Variants in CTNNA3 observed in about 807,000 individuals in gnomAD.
The protein encoded by CTNNA3 is catenin alpha-3.
A neutral mutation model predicts 95.7 loss-of-function variants in CTNNA3; 76 were observed. The observed-to-expected ratio is 0.79, with a 90% confidence interval of 0.66 to 0.96. The LOEUF is 0.96. CTNNA3 is among the 40% of genes least tolerant of loss of function. The pLI is 0.00. For missense variants in CTNNA3, 1,191 were observed against 1,089.8 expected (o/e 1.09, Z -1.31); for synonymous variants, 431 against 374.4 (o/e 1.15, Z -1.74).
chr10:67,107,972 A>T (rs1380796339), intron 7 of CTNNA3, among the ~76,000 whole-genome samples: 1 of 152,000 alleles, frequency 6.6e-6, no homozygotes, highest in Non-Finnish European at 1.5e-5. Flanking sequence ...ACCCAATAAA[A>T]CCCTGTCTTA....
At chr10:67,273,598 T>C (rs1839069061) in intron 5 of CTNNA3, among the ~76,000 whole-genome samples, 1 of 152,186 alleles carries the variant, frequency 6.6e-6, no homozygotes, top group East Asian at 1.9e-4. Context: ...GAAATAAAAG[T>C]ATGTTCCACA....
chr10:66,300,599 G>T (rs2091847278), intron 12 of CTNNA3, among the ~76,000 whole-genome samples: 1 of 151,294 alleles, frequency 6.6e-6, no homozygotes, highest in African/African-American at 2.4e-5. Flanking sequence ...CATCTGTGTG[G>T]TATTCTTCCC....
rs749798562 is a variant in CTNNA3, at chr10:66,072,634, G to T, written c.1978-3145C>A. On this transcript the variant is annotated intron_variant, in intron 14 of 17. Coordinates refer to ENST00000433211, the MANE Select transcript of CTNNA3 (RefSeq NM_013266.4). Reference sequence around the variant, plus strand: ...TAATTTTTGTATATTTAGTAGAGACGGGGTTTCACCATTTTGGACAGGCTG... The same window carrying T: ...TAATTTTTGTATATTTAGTAGAGACTGGGTTTCACCATTTTGGACAGGCTG... Among the ~76,000 whole-genome samples, 3 of 151,772 alleles carry T rather than the reference G, an allele frequency of 2.0e-5. No homozygotes were observed. In the South Asian group the frequency reaches 6.2e-4, roughly 32 times the overall value.
chr10:66,588,159 C>T (rs1228867158), intron 10 of CTNNA3, among the ~76,000 whole-genome samples: 2 of 152,034 alleles, frequency 1.3e-5, no homozygotes. Context: ...TAAATCAGCT[C>T]CAGCACTGGG....
At chr10:67,143,671 C>T (rs536733076) in intron 7 of CTNNA3, among the ~76,000 whole-genome samples, 6 of 152,270 alleles carry the variant, frequency 3.9e-5, no homozygotes, top group Non-Finnish European at 8.8e-5. Context: ...TTCTAATCCA[C>T]GATAACTACG....
intron 6 of CTNNA3, among the ~76,000 whole-genome samples, chr10:67,214,318 A>C (rs10430512): frequency 0.27 from 41,323 of 151,454 alleles, 8,172 homozygotes; most frequent in African/African-American, 0.56. Flanking sequence ...AGTAGTTACT[A>C]TAGACATTTT....
intron 3 of CTNNA3, among the ~76,000 whole-genome samples, chr10:67,554,344 C>G (rs1379251826): frequency 6.6e-6 from 1 of 152,190 alleles, no homozygotes; most frequent in Non-Finnish European, 1.5e-5. Flanking sequence ...CACTGTCTTC[C>G]ACAATGGTTG....
intron 14 of CTNNA3, among the ~76,000 whole-genome samples, chr10:66,088,617 A>G (rs1180668459): frequency 6.6e-6 from 1 of 151,414 alleles, no homozygotes; most frequent in African/African-American, 2.4e-5. Flanking sequence ...CACTTTTATA[A>G]AGGTTTTCAA....
chr10:66,564,816 G>C (rs550488404), intron 10 of CTNNA3, among the ~76,000 whole-genome samples: 2 of 152,124 alleles, frequency 1.3e-5, no homozygotes, highest in African/African-American at 2.4e-5. Context: ...ATTATTCGAC[G>C]TTTACAATAA....
intron 13 of CTNNA3, among the ~76,000 whole-genome samples, chr10:66,136,465 T>C (rs902218130): frequency 6.6e-6 from 1 of 151,482 alleles, no homozygotes; most frequent in African/African-American, 2.4e-5. Context: ...AATTGGATAA[T>C]AGTTTTCAAA....
At chr10:66,125,206 CT>C (rs533382342) in intron 13 of CTNNA3, among the ~76,000 whole-genome samples, 246 of 152,116 alleles carry the variant, frequency 1.6e-3, no homozygotes, top group Middle Eastern at 3.4e-3. Context: ...AAAATTAAAT[CT>C]TTTTTTCTTA....
chr10:66,972,599 T>C (rs1347640422), intron 7 of CTNNA3, among the ~76,000 whole-genome samples: 1 of 151,982 alleles, frequency 6.6e-6, no homozygotes, highest in East Asian at 1.9e-4. Flanking sequence ...TTGATAAAAA[T>C]TTATTTCATA....
intron 17 of CTNNA3, among the ~76,000 whole-genome samples, chr10:65,931,257 C>T (rs775484541): frequency 5.9e-5 from 9 of 152,186 alleles, no homozygotes; most frequent in Non-Finnish European, 8.8e-5. Flanking sequence ...TTTCAGGGCT[C>T]TTGTGTGCTT....
In CTNNA3 at chr10:65,913,364, C is replaced by T. The variant is rs1276102956; in HGVS notation, c.*6966G>A. ...TGTTTTAAGCCTCAATTATTAGGTA[C>T]TAAATTGGGCATAAAATATGTCTAC... On this transcript the variant is annotated 3_prime_UTR_variant, in exon 18 of 18. Coordinates refer to ENST00000433211, the MANE Select transcript of CTNNA3 (RefSeq NM_013266.4). The T allele has an allele frequency of 6.6e-6, 1 of 152,094 alleles. No individual in the cohort carries two copies. The highest frequency in any genetic ancestry group is 1.9e-4 in the East Asian group (1 of 5,184). 9.4% of individuals were successfully genotyped at this position (152,094 alleles called of 1,614,324 possible).
intron 5 of CTNNA3, among the ~76,000 whole-genome samples, chr10:67,462,002 A>G (rs1378415240): frequency 1.3e-5 from 2 of 152,206 alleles, no homozygotes; most frequent in African/African-American, 2.4e-5. Context: ...GCATTAGCCA[A>G]ATTCCTCATT....
intron 1 of CTNNA3, among the ~76,000 whole-genome samples, chr10:67,672,341 T>C (rs1374898477): frequency 1.3e-5 from 2 of 152,228 alleles, no homozygotes; most frequent in Non-Finnish European, 2.9e-5. Flanking sequence ...TTTCTTCTGC[T>C]GTGCAGAAGC....
At chr10:66,506,143 A>G (rs1422604224) in intron 11 of CTNNA3, among the ~76,000 whole-genome samples, 1 of 152,148 alleles carries the variant, frequency 6.6e-6, no homozygotes. Context: ...GCAGGAATAA[A>G]TAGAGTGAGA....
At chr10:66,446,574 C>G (rs575769033) in intron 11 of CTNNA3, among the ~76,000 whole-genome samples, 11 of 151,928 alleles carry the variant, frequency 7.2e-5, no homozygotes, top group Middle Eastern at 3.4e-3. Context: ...AGACAAAAAC[C>G]ACATGATTAT....
intron 17 of CTNNA3, among the ~76,000 whole-genome samples, chr10:65,964,138 G>A (rs2077909212): frequency 6.6e-6 from 1 of 152,100 alleles, no homozygotes; most frequent in Non-Finnish European, 1.5e-5. Context: ...TTTTTCAAGA[G>A]ATCTTATAGA....
Sources: gnomAD v4.1 joint callset for allele counts (sites outside exome capture counted in the v4.1 genomes callset) on GRCh38, gnomAD v4.1.1 for gene constraint, MANE v1.5 for transcripts, NCBI Gene and HGNC (gene_info 2026-07-23, HGNC 2026-07-21) for gene names.